Variants in CACNA1C observed in about 807,000 individuals in gnomAD.
The protein encoded by CACNA1C is calcium voltage-gated channel subunit alpha1 C.
CACNA1C carries 30 observed loss-of-function variants against 229.0 expected under a neutral mutation model. The ratio of observed to expected loss-of-function variants is 0.13; its 90% CI spans 0.10 to 0.18. The LOEUF (loss-of-function observed/expected upper bound fraction) is 0.18. CACNA1C is among the 10% of genes least tolerant of loss of function. CACNA1C has a pLI of 1.00. For synonymous variants in CACNA1C, 1,114 were observed against 1,132.5 expected, an observed-to-expected ratio of 0.98 and a Z score of 0.33; for missense variants, 1,658 against 2,845.0, an observed-to-expected ratio of 0.58 and a Z score of 9.49.
Position 2,486,163 on chromosome 12 carries a change from C to T in CACNA1C, c.817C>T (p.Leu273=). The T allele has an allele frequency of 6.2e-7, 1 of 1,613,558 alleles. No homozygotes were observed. The highest frequency in any genetic ancestry group is 8.5e-7 in the Non-Finnish European group (1 of 1,179,606). The change falls in exon 6 of 47, where the codon CTG becomes TTG. Residue 273 remains leucine, a synonymous_variant. Transcript: ENST00000399655. The surrounding 1 kb of genome is among the most constrained non-coding windows in gnomAD (Gnocchi z 4.9). ...CATGGTCCCCCTGCTGCACATCGCC[C>T]TGCTTGTGCTGTTTGTCATCATCAT... ...KAMVPLLHIA[L]LVLFVIIIYA...
chr12:2,251,855 G>T (rs1026815550), intron 3 of CACNA1C, among the ~76,000 whole-genome samples: 1 of 152,172 alleles, frequency 6.6e-6, no homozygotes, highest in Non-Finnish European at 1.5e-5. Context: ...TCCTCTGATT[G>T]ATCCTAAATC....
intron 3 of CACNA1C, among the ~76,000 whole-genome samples, chr12:2,227,773 A>G (rs2063455135): frequency 6.6e-6 from 1 of 152,196 alleles, no homozygotes; most frequent in Non-Finnish European, 1.5e-5. Context: ...TTTCTCTAAA[A>G]CTAAAGTGCA....
At chr12:2,455,920 T>C (rs2099415072) in intron 4 of CACNA1C, among the ~76,000 whole-genome samples, 1 of 152,314 alleles carries the variant, frequency 6.6e-6, no homozygotes, top group East Asian at 1.9e-4. Flanking sequence ...CATCCTCACC[T>C]TCTGCACTGG....
chr12:2,693,532 G>GC lies in CACNA1C; in HGVS notation c.*2334dup, dbSNP rs2097810747. ...CCTGATCCATCTGAAAGTCAACTCT[G>GC]CGTGCTCCTTTCTCCATCCCTTCCT... On this transcript the variant is annotated 3_prime_UTR_variant, in exon 47 of 47. Transcript: ENST00000399655. 6.6e-6 allele frequency: 1 copy of GC among 152,222 alleles called. No individual in the cohort carries two copies. Among genetic ancestry groups the GC allele is most frequent in the African/African-American group, 2.4e-5 (1 of 41,444 alleles). The allele number at this position is 152,222 out of a possible 1,614,324, so 9.4% of individuals were successfully genotyped here. A position where few individuals can be genotyped will look rare whatever the true frequency, so the allele number is the denominator to read the frequency against.
At position 2,386,141 on chromosome 12, in the gene CACNA1C, G is replaced by T. The variant is rs543490854; in HGVS notation, c.478-62835G>T. ...CTACTACACATCTCCTCCCAACTCT[G>T]CAGTCAGTGACATCCCATTGGTAGC... On this transcript the variant is annotated intron_variant, in intron 3 of 46. Transcript: ENST00000399655. Among the ~76,000 whole-genome samples the T allele has an allele frequency of 3.3e-5, 5 of 152,270 alleles. No individual in the cohort carries two copies. In the South Asian group the frequency reaches 1.0e-3, roughly 32 times the overall value.
chr12:2,578,124 T>C lies in CACNA1C; in HGVS notation c.1896-3466T>C, dbSNP rs1303253941. Among the ~76,000 whole-genome samples, 5 of 152,184 alleles carry C rather than the reference T, an allele frequency of 3.3e-5. No individual in the cohort carries two copies. The East Asian group carries it at 9.7e-4, about 29-fold the overall frequency. ...ACCTCGTGATCCGCCCGCCTCGGCC[T>C]CCCAAAGTGCTGGGATTACAGGCGT... On this transcript the variant is annotated intron_variant, in intron 13 of 46. Coordinates refer to ENST00000399655, the MANE Select transcript of CACNA1C (RefSeq NM_000719.7).
At chr12:2,077,980 A>G (rs139504047) in intron 1 of CACNA1C, among the ~76,000 whole-genome samples, 51 of 152,352 alleles carry the variant, frequency 3.3e-4, no homozygotes, top group Non-Finnish European at 5.6e-4. Flanking sequence ...ATGGATAAAG[A>G]AAATGTGGTG....
intron 3 of CACNA1C, among the ~76,000 whole-genome samples, chr12:2,416,311 G>C (rs967425310): frequency 6.6e-6 from 1 of 152,038 alleles, no homozygotes; most frequent in Non-Finnish European, 1.5e-5. Context: ...AGGCACATTG[G>C]AGATGCTCTA....
intron 3 of CACNA1C, among the ~76,000 whole-genome samples, chr12:2,307,347 C>A (rs1364469191): frequency 1.3e-5 from 2 of 152,186 alleles, no homozygotes; most frequent in Non-Finnish European, 2.9e-5. Context: ...TGTAGTTTAA[C>A]CTCCTTTATT....
At chr12:1,994,728 T>C (rs1485419312) in intron 1 of CACNA1C, among the ~76,000 whole-genome samples, 2 of 152,226 alleles carry the variant, frequency 1.3e-5, no homozygotes, top group East Asian at 3.9e-4. Context: ...AATGAGAATT[T>C]GATTCTGCAT....
At chr12:2,542,121 C>T (rs142228819) in intron 9 of CACNA1C, among the ~76,000 whole-genome samples, 2 of 150,174 alleles carry the variant, frequency 1.3e-5, no homozygotes, top group East Asian at 3.9e-4. Context: ...GGATTTATTG[C>T]TGTCACCTTA....
chr12:2,483,115 G>T (rs2099682872), intron 5 of CACNA1C, among the ~76,000 whole-genome samples: 1 of 152,226 alleles, frequency 6.6e-6, no homozygotes, highest in Admixed American at 6.5e-5. Context: ...GAGACTCAAG[G>T]AGCTCTCAGC....
chr12:2,550,638 G>A, intron 10 of CACNA1C: 1 of 1,350,738 alleles, frequency 7.4e-7, no homozygotes, highest in Non-Finnish European at 9.8e-7. Flanking sequence ...ACTGCAAACA[G>A]AGGCTCTGAG....
rs115843017 is a variant in CACNA1C, at chr12:2,234,396, G to A, written c.477+113966G>A. On this transcript the variant is annotated intron_variant, in intron 3 of 46. Coordinates refer to ENST00000399655, the MANE Select transcript of CACNA1C (RefSeq NM_000719.7). ...CAAGCTGTGGTGAGTTGATTGCCAG[G>A]CACTCTGTGGTCAAAAATGTGAGGG... Among the ~76,000 whole-genome samples the A allele has an allele frequency of 4.1e-3, 620 of 152,312 alleles. 3 individuals carry two copies. The highest frequency in any genetic ancestry group is 0.014 in the African/African-American group (580 of 41,562).
intron 3 of CACNA1C, among the ~76,000 whole-genome samples, chr12:2,253,541 C>T (rs2076352296): frequency 6.6e-6 from 1 of 152,248 alleles, no homozygotes; most frequent in African/African-American, 2.4e-5. Flanking sequence ...ATTTGCAAGT[C>T]ATTGGAACCT....
intron 1 of CACNA1C, among the ~76,000 whole-genome samples, chr12:2,030,260 C>T (rs956408561): frequency 4.6e-5 from 7 of 152,120 alleles, no homozygotes; most frequent in Admixed American, 2.6e-4. Flanking sequence ...CCCAATAATT[C>T]CTTTTTTAAG....
chr12:2,172,475 A>G (rs908619438), intron 3 of CACNA1C, among the ~76,000 whole-genome samples: 2 of 152,224 alleles, frequency 1.3e-5, no homozygotes, highest in Non-Finnish European at 2.9e-5. Context: ...TAATATTACT[A>G]ATTATGATAA....
chr12:2,662,471 C>T, intron 34 of CACNA1C, among the ~76,000 whole-genome samples: 1 of 152,104 alleles, frequency 6.6e-6, no homozygotes, highest in East Asian at 1.9e-4. Flanking sequence ...AATGTTGAAA[C>T]TATACCATTT....
At chr12:2,253,387 G>A (rs1010325481) in intron 3 of CACNA1C, among the ~76,000 whole-genome samples, 13 of 152,224 alleles carry the variant, frequency 8.5e-5, no homozygotes, top group African/African-American at 2.9e-4. Flanking sequence ...ATAAGGGGCA[G>A]AAAGGATGAT....
Sources: gnomAD v4.1 joint callset for allele counts (sites outside exome capture counted in the v4.1 genomes callset) on GRCh38, gnomAD v4.1.1 for gene constraint, Gnocchi (gnomAD v3.1) non-coding constraint, MANE v1.5 for transcripts, NCBI Gene and HGNC (gene_info 2026-07-23, HGNC 2026-07-21) for gene names.